KAT7: variants seen among roughly 807,000 people sequenced by gnomAD.
The protein encoded by KAT7 is lysine acetyltransferase 7, also known as histone acetyltransferase KAT7.
Under a neutral mutation model 82.1 loss-of-function variants are expected in KAT7, and 10 were observed. The observed-to-expected ratio is 0.12, with a 90% CI of 0.08 to 0.21. The LOEUF (loss-of-function observed/expected upper bound fraction) is 0.21. Among genes scored for constraint, KAT7 ranks in the 10% least tolerant of loss-of-function variants. The pLI is 1.00. For synonymous variants in KAT7, 250 were observed against 262.5 expected, an observed-to-expected ratio of 0.95 and a Z score of 0.46; for missense variants, 378 against 760.9, an observed-to-expected ratio of 0.50 and a Z score of 5.92.
chr17:49,822,760 G>A (rs913393363), intron 11 of KAT7, among the ~76,000 whole-genome samples: 1 of 151,712 alleles, frequency 6.6e-6, no homozygotes, highest in Admixed American at 6.6e-5. Context: ...TATTTTGGAC[G>A]TTTCCTACAA....
At chr17:49,794,669 A>G (rs1249683254) in intron 2 of KAT7, among the ~76,000 whole-genome samples, 1 of 152,272 alleles carries the variant, frequency 6.6e-6, no homozygotes, top group East Asian at 1.9e-4. Flanking sequence ...ATGGAACAGC[A>G]TATGCTAAGG....
At chr17:49,800,105 G>A (rs1036804204) in intron 4 of KAT7, among the ~76,000 whole-genome samples, 4 of 137,334 alleles carry the variant, frequency 2.9e-5, no homozygotes, top group Non-Finnish European at 1.5e-5. Context: ...TCCGCCTCCC[G>A]GGTTCACACC....
intron 6 of KAT7, 64 bp downstream of exon 6, chr17:49,809,272 T>C: frequency 8.4e-7 from 1 of 1,189,534 alleles, no homozygotes; most frequent in African/African-American, 1.5e-5. Context: ...ATCTCCTCTA[T>C]AATTGTCTTC....
At chr17:49,815,040 C>G (rs568294500) in intron 7 of KAT7, 1 of 152,182 alleles carries the variant, frequency 6.6e-6, no homozygotes, top group African/African-American at 2.4e-5. Flanking sequence ...TGTAGAATCT[C>G]TTTCCTGGAA....
chr17:49,821,229 G>T, intron 9 of KAT7, 108 bp from the exon 10 acceptor site: 1 of 729,172 alleles, frequency 1.4e-6, no homozygotes, highest in Non-Finnish European at 2.3e-6. Context: ...TTGTCCAACT[G>T]TCCGGTAGCT....
chr17:49,799,483 C>T (rs1017433980), intron 4 of KAT7, among the ~76,000 whole-genome samples: 1 of 151,982 alleles, frequency 6.6e-6, no homozygotes, highest in Non-Finnish European at 1.5e-5. Context: ...CAGGTTCAAG[C>T]GATTCTCCTG....
intron 13 of KAT7, 124 bp downstream of exon 13, chr17:49,826,270 A>G (rs889747495): frequency 2.2e-6 from 2 of 920,400 alleles, no homozygotes; most frequent in East Asian, 2.5e-5. Flanking sequence ...GGAGACCCTC[A>G]CTAAAGCTGC....
intron 3 of KAT7, 22 bp from the exon 4 acceptor site, chr17:49,798,296 TC>T: frequency 6.2e-7 from 1 of 1,609,330 alleles, no homozygotes; most frequent in Non-Finnish European, 8.5e-7. Context: ...ACTCATAACT[TC>T]TACCAATTGC....
At chr17:49,817,486 T>G (rs1291838018) in intron 8 of KAT7, among the ~76,000 whole-genome samples, 1 of 152,236 alleles carries the variant, frequency 6.6e-6, no homozygotes, top group African/African-American at 2.4e-5. Context: ...AATATTTATT[T>G]TTTTAAAAAG....
intron 4 of KAT7, among the ~76,000 whole-genome samples, 183 bp from the exon 5 acceptor site, chr17:49,805,180 C>A (rs1172057013): frequency 6.6e-6 from 1 of 152,154 alleles, no homozygotes; most frequent in African/African-American, 2.4e-5. Context: ...CCAGATCCAT[C>A]CTGTGGAAGA....
chr17:49,833,829 G>A lies in KAT7; in HGVS notation c.*6327G>A, dbSNP rs1470117354. ...GAATACTGTTTTAACCACACGTTTTGGAATGGTTTGATACATGGCAATGGA... is the reference window on the plus strand; with the variant it reads ...GAATACTGTTTTAACCACACGTTTTAGAATGGTTTGATACATGGCAATGGA... On this transcript the variant is annotated 3_prime_UTR_variant, in exon 15 of 15. Transcript: ENST00000259021. 1 of 152,172 alleles carries A rather than the reference G, an allele frequency of 6.6e-6. No individual in the cohort carries two copies. 9.4% of individuals were successfully genotyped at this position (152,172 alleles called of 1,614,324 possible). A position where few individuals can be genotyped will look rare whatever the true frequency, so the allele number is the denominator to read the frequency against.
At chr17:49,825,705 T>A (rs1250133203) in intron 12 of KAT7, among the ~76,000 whole-genome samples, 2 of 152,206 alleles carry the variant, frequency 1.3e-5, no homozygotes, top group African/African-American at 2.4e-5. Context: ...AAATACATAG[T>A]ATATATAGGA....
At chr17:49,821,539 C>T (rs2143971537) in intron 10 of KAT7, 111 bp from the exon 11 acceptor site, 1 of 1,515,402 alleles carries the variant, frequency 6.6e-7, no homozygotes. Flanking sequence ...TCTTCTCTTG[C>T]CAAAATACAC....
In KAT7 at chr17:49,829,733, A is replaced by G. The variant is rs981055476; in HGVS notation, c.*2231A>G. The G allele has an allele frequency of 6.6e-6, 1 of 152,192 alleles. No individual in the cohort carries two copies. The highest frequency in any genetic ancestry group is 1.5e-5 in the Non-Finnish European group (1 of 68,052). The allele number at this position is 152,192 out of a possible 1,614,324, so 9.4% of individuals were successfully genotyped here. A position where few individuals can be genotyped will look rare whatever the true frequency, so the allele number is the denominator to read the frequency against. ...AACCCATACAGTTGAAGTTTTTTGC[A>G]CAGTCCTGATCCCAGGTCTCCACTC... On this transcript the variant is annotated 3_prime_UTR_variant, in exon 15 of 15. Transcript: ENST00000259021.
At position 49,821,810 on chromosome 17, in the gene KAT7, TAAG is replaced by T. The variant is rs1567863826; in HGVS notation, c.1386+24_1386+26del. On this transcript the variant is annotated intron_variant, in intron 11 of 14. Coordinates refer to ENST00000259021, the MANE Select transcript of KAT7 (RefSeq NM_007067.5). Reference sequence around the variant, plus strand: ...TCTAAGGTAAGCAGGATCTGGAGATTAAGAAGCCAATGGCCAGAGCAGGGTGAT... The same window carrying T: ...TCTAAGGTAAGCAGGATCTGGAGATTAAGCCAATGGCCAGAGCAGGGTGAT... 6.2e-7 allele frequency: 1 copy of T among 1,612,994 alleles called. No homozygotes were observed. The highest frequency in any genetic ancestry group is 8.5e-7 in the Non-Finnish European group (1 of 1,179,280).
chr17:49,834,698 C>T lies in KAT7; in HGVS notation c.*7196C>T, dbSNP rs2074449528. The T allele has an allele frequency of 6.6e-6, 1 of 152,136 alleles. No homozygotes were observed. Among genetic ancestry groups the T allele is most frequent in the East Asian group, 1.9e-4 (1 of 5,192 alleles). The allele number at this position is 152,136 out of a possible 1,614,324, so 9.4% of individuals were successfully genotyped here. A position where few individuals can be genotyped will look rare whatever the true frequency, so the allele number is the denominator to read the frequency against. ...CCATGAAGTGTGTTCCATTAAATAC[C>T]AAAGTATAGGCAAAAAGTTCTGTGG... On this transcript the variant is annotated 3_prime_UTR_variant, in exon 15 of 15. Transcript: ENST00000259021.
At chr17:49,789,141 G>C in intron 1 of KAT7, 1 of 299,076 alleles carries the variant, frequency 3.3e-6, no homozygotes, top group Non-Finnish European at 6.2e-6. Flanking sequence ...CCGCCTGTTT[G>C]GGCTCAACGG....
At position 49,834,270 on chromosome 17, in the gene KAT7, C is replaced by G. The variant is rs1053339303; in HGVS notation, c.*6768C>G. The G allele has an allele frequency of 6.6e-6, 1 of 152,252 alleles. No individual in the cohort carries two copies. Among genetic ancestry groups the G allele is most frequent in the African/African-American group, 2.4e-5 (1 of 41,446 alleles). 9.4% of individuals were successfully genotyped at this position (152,252 alleles called of 1,614,324 possible). ...TCCAGCTATCCTCCCACCTCAACCT[C>G]CAGAGTAGTTGAGACCACAGGCGTG... On this transcript the variant is annotated 3_prime_UTR_variant, in exon 15 of 15. Coordinates refer to ENST00000259021, the MANE Select transcript of KAT7 (RefSeq NM_007067.5).
chr17:49,794,665 C>T (rs2073932671), intron 2 of KAT7, among the ~76,000 whole-genome samples: 1 of 152,234 alleles, frequency 6.6e-6, no homozygotes, highest in African/African-American at 2.4e-5. Flanking sequence ...GCAGATGGAA[C>T]AGCATATGCT....
Sources: gnomAD v4.1 joint callset for allele counts (sites outside exome capture counted in the v4.1 genomes callset) on GRCh38, gnomAD v4.1.1 for gene constraint, MANE v1.5 for transcripts, NCBI Gene and HGNC (gene_info 2026-07-23, HGNC 2026-07-21) for gene names.